The following TRIM24 variants were observed in gnomAD, a reference collection of about 807,000 sequenced individuals.
The protein encoded by TRIM24 is transcription intermediary factor 1-alpha.
Under a neutral mutation model 123.9 loss-of-function variants are expected in TRIM24, and 29 were observed. The observed-to-expected ratio is 0.23, with a 90% confidence interval of 0.17 to 0.32. The LOEUF (loss-of-function observed/expected upper bound fraction) is 0.32, where lower values mean the gene tolerates loss of function less well. Among genes scored for constraint, TRIM24 ranks in the 10% least tolerant of loss-of-function variants. The probability of loss-of-function intolerance (pLI) is 1.00; values close to 1 mark genes in which losing one functional copy is unlikely to be tolerated. For synonymous variants in TRIM24, 456 were observed against 461.1 expected, an observed-to-expected ratio of 0.99 and a Z score of 0.14; for missense variants, 932 against 1,295.3, an observed-to-expected ratio of 0.72 and a Z score of 4.31.
intron 1 of TRIM24, 61 bp downstream of exon 1, chr7:138,460,973 C>T (rs1045969655): frequency 3.9e-5 from 53 of 1,342,592 alleles, no homozygotes; most frequent in Non-Finnish European, 5.0e-5. Context: ...GGCGGGCGCC[C>T]TTGTGCGGCG....
At chr7:138,567,709 A>T in intron 10 of TRIM24, 55 bp downstream of exon 10, 1 of 1,487,608 alleles carries the variant, frequency 6.7e-7, no homozygotes, top group Non-Finnish European at 9.0e-7. Context: ...CTACTTTCAA[A>T]TCACAAAGAA....
At chr7:138,546,086 C>G (rs1797096357) in intron 7 of TRIM24, among the ~76,000 whole-genome samples, 1 of 152,092 alleles carries the variant, frequency 6.6e-6, no homozygotes, top group Non-Finnish European at 1.5e-5. Flanking sequence ...TGATGGGGAA[C>G]AGAGTATTAG....
In TRIM24 at chr7:138,586,118, AG is replaced by A. The variant is rs1348409504; in HGVS notation, c.*1168del. 2.8e-6 allele frequency: 1 copy of A among 362,992 alleles called. No homozygotes were observed. Among genetic ancestry groups the A allele is most frequent in the Non-Finnish European group, 5.4e-6 (1 of 184,498 alleles). The allele number at this position is 362,992 out of a possible 1,614,324, so 22.5% of individuals were successfully genotyped here. On this transcript the variant is annotated 3_prime_UTR_variant, in exon 19 of 19. Transcript: ENST00000343526. ...TCTGATTGATTGATAGAGGTACAAAAGACTTATCTTCTGAGGACAAGCATAT... is the reference window on the plus strand; with the variant it reads ...TCTGATTGATTGATAGAGGTACAAAAACTTATCTTCTGAGGACAAGCATAT...
intron 1 of TRIM24, 94 bp downstream of exon 1, chr7:138,461,006 C>A: frequency 8.5e-7 from 1 of 1,178,770 alleles, no homozygotes; most frequent in Non-Finnish European, 1.1e-6. Flanking sequence ...ATGTCGCCGC[C>A]GCCCGGGGTG....
At chr7:138,498,086 T>A (rs1044017390) in intron 1 of TRIM24, among the ~76,000 whole-genome samples, 5 of 151,930 alleles carry the variant, frequency 3.3e-5, no homozygotes, top group Non-Finnish European at 4.4e-5. Flanking sequence ...AGTGGCGCAA[T>A]CTCAGCTCAC....
rs1356060472 is a variant in TRIM24, at chr7:138,554,454, T to G, written c.1262-244T>G. Among the ~76,000 whole-genome samples, 1 of 152,200 alleles carries G rather than the reference T, an allele frequency of 6.6e-6. No homozygotes were observed. The highest frequency in any genetic ancestry group is 2.4e-5 in the African/African-American group (1 of 41,448). On this transcript the variant is annotated intron_variant, in intron 8 of 18. Transcript: ENST00000343526. This position sits in a 1 kb window ranked among gnomAD's most constrained non-coding sequence, Gnocchi z 4.5. ...GTTTTATAAAAGCATGTTGTTATGG[T>G]TTTATTCTTAAATGAATTAGAAAGT...
chr7:138,481,540 G>C (rs946076349), intron 1 of TRIM24, among the ~76,000 whole-genome samples: 3 of 151,874 alleles, frequency 2.0e-5, no homozygotes, highest in Admixed American at 2.0e-4. Flanking sequence ...TCTGGGCTGG[G>C]CGCTGTAGCT....
intron 7 of TRIM24, among the ~76,000 whole-genome samples, chr7:138,549,408 A>ATCCC (rs1180294617): frequency 2.6e-5 from 4 of 152,168 alleles, no homozygotes; most frequent in Non-Finnish European, 4.4e-5. Flanking sequence ...AAGCAGAGGA[A>ATCCC]TCCCTGCCCT....
At chr7:138,567,132 G>T (rs1584742401) in intron 9 of TRIM24, among the ~76,000 whole-genome samples, 1 of 152,130 alleles carries the variant, frequency 6.6e-6, no homozygotes, top group Admixed American at 6.5e-5. Context: ...TTTCAAAAGG[G>T]TAGTTCTTTG....
chr7:138,516,242 C>T (rs1022037140), intron 3 of TRIM24, among the ~76,000 whole-genome samples: 15 of 152,142 alleles, frequency 9.9e-5, no homozygotes, highest in Admixed American at 7.2e-4. Flanking sequence ...GCGGAGCTTG[C>T]GGTGAGCCGA....
chr7:138,501,217 C>T (rs1796031707), intron 1 of TRIM24, among the ~76,000 whole-genome samples: 2 of 152,072 alleles, frequency 1.3e-5, no homozygotes, highest in Admixed American at 6.6e-5. Flanking sequence ...AGGAATTTTC[C>T]AGCTCCATTT....
chr7:138,538,758 A>G lies in TRIM24; in HGVS notation c.1098A>G (p.Ala366=). Residue 366 remains alanine, a synonymous_variant, in exon 7 of 19, where the codon GCA becomes GCG. Coordinates refer to ENST00000343526, the MANE Select transcript of TRIM24 (RefSeq NM_015905.3). ...ATGTCATGCATTTTTCTAAATGGGC[A>G]GTTTCCAGTGGCAGCAGTACAGCAT... The part of the protein sequence containing the change: ...LEHVMHFSKW[A]VSSGSSTALL... 6.2e-7 allele frequency: 1 copy of G among 1,612,726 alleles called. No homozygotes were observed. Among genetic ancestry groups the G allele is most frequent in the Non-Finnish European group, 8.5e-7 (1 of 1,179,272 alleles).
Position 138,586,178 on chromosome 7 carries a change from T to G in TRIM24, c.*1227T>G. 1.4e-5 allele frequency: 4 copies of G among 277,352 alleles called. No individual in the cohort carries two copies. In the South Asian group the frequency reaches 1.5e-4, roughly 11 times the overall value. The allele number at this position is 277,352 out of a possible 1,614,324, so 17.2% of individuals were successfully genotyped here. On this transcript the variant is annotated 3_prime_UTR_variant, in exon 19 of 19. Transcript: ENST00000343526. Reference sequence around the variant, plus strand: ...TGCCAGACCTACCCGGTTCAGCTGATATAGATAGATAGATAGATAGAAGAA... The same window carrying G: ...TGCCAGACCTACCCGGTTCAGCTGAGATAGATAGATAGATAGATAGAAGAA...
rs34380067 is a variant in TRIM24 at position 138,492,273 on chromosome 7, CAAAAAA to C, written c.365-11997_365-11992del. Reference sequence around the variant, plus strand: ...GGGCAACAGGATAATACTCTGTCTCCAAAAAAAAAAAAAAAAAAAAAAAAAGGGAAA... The same window carrying C: ...GGGCAACAGGATAATACTCTGTCTCCAAAAAAAAAAAAAAAAAAAGGGAAA... On this transcript the variant is annotated intron_variant, in intron 1 of 18. Transcript: ENST00000343526. Among the ~76,000 whole-genome samples, 365 of 60,004 alleles carry C rather than the reference CAAAAAA, an allele frequency of 6.1e-3. 3 individuals carry two copies. The highest frequency in any genetic ancestry group is 0.025 in the African/African-American group (329 of 13,198). 39.4% of individuals were successfully genotyped at this position (60,004 alleles called of 152,430 possible). A position where few individuals can be genotyped will look rare whatever the true frequency, so the allele number is the denominator to read the frequency against.
chr7:138,462,328 G>A (rs892176892), intron 1 of TRIM24, among the ~76,000 whole-genome samples: 4 of 150,476 alleles, frequency 2.7e-5, no homozygotes, highest in Non-Finnish European at 5.9e-5. Context: ...CTGAGAACTA[G>A]TGCAAAAATC....
intron 2 of TRIM24, among the ~76,000 whole-genome samples, chr7:138,508,340 A>G (rs1250940273): frequency 2.0e-5 from 3 of 152,090 alleles, no homozygotes; most frequent in East Asian, 3.9e-4. Flanking sequence ...TTTGATCCAT[A>G]TGTCCATGTG....
At chr7:138,580,804 T>A in intron 16 of TRIM24, 110 bp downstream of exon 16, 1 of 1,052,884 alleles carries the variant, frequency 9.5e-7, no homozygotes, top group East Asian at 2.8e-5. Context: ...CCTTTTTATT[T>A]AAGAGTATTT....
At chr7:138,499,220 T>C (rs901310964) in intron 1 of TRIM24, among the ~76,000 whole-genome samples, 11 of 152,218 alleles carry the variant, frequency 7.2e-5, no homozygotes, top group African/African-American at 2.7e-4. Flanking sequence ...CTCTTGTAAA[T>C]AGTCCTTGTT....
chr7:138,505,244 CA>C (rs1441232077), intron 2 of TRIM24, among the ~76,000 whole-genome samples: 1 of 152,172 alleles, frequency 6.6e-6, no homozygotes, highest in Non-Finnish European at 1.5e-5. Context: ...CTCTTGATTG[CA>C]TACCCACATT....
Sources: allele counts gnomAD v4.1 joint callset (sites outside exome capture counted in the v4.1 genomes callset), GRCh38; gene constraint gnomAD v4.1.1; non-coding constraint Gnocchi (gnomAD v3.1); transcripts MANE v1.5; gene names NCBI Gene and HGNC (gene_info 2026-07-23, HGNC 2026-07-21).